ZCCHC4: variants seen among roughly 807,000 people sequenced by gnomAD.
ZCCHC4 encodes the protein rRNA N(6)-adenosine-methyltransferase ZCCHC4.
Under a neutral mutation model 67.7 loss-of-function variants are expected in ZCCHC4, and 54 were observed. That is an observed-to-expected ratio of 0.80 (90% CI 0.64 to 1.00). The LOEUF is 1.00. Among genes scored for constraint, ZCCHC4 ranks in the 50% least tolerant of loss-of-function variants. The pLI is 0.00. For synonymous variants in ZCCHC4, 198 were observed against 213.5 expected, an observed-to-expected ratio of 0.93 and a Z score of 0.63; for missense variants, 609 against 617.0, an observed-to-expected ratio of 0.99 and a Z score of 0.14.
intron 12 of ZCCHC4, chr4:25,365,691 C>A: frequency 1.0e-6 from 1 of 984,628 alleles, no homozygotes; most frequent in Non-Finnish European, 1.2e-6. Context: ...ACTTTTTTTC[C>A]TGTGATTATT....
intron 5 of ZCCHC4, among the ~76,000 whole-genome samples, chr4:25,336,896 A>G (rs1223317392): frequency 6.6e-6 from 1 of 152,232 alleles, no homozygotes; most frequent in East Asian, 1.9e-4. Context: ...TCCAGATGAG[A>G]AAACTGAGGC....
At chr4:25,342,283 A>G (rs1719793350) in intron 5 of ZCCHC4, among the ~76,000 whole-genome samples, 1 of 152,192 alleles carries the variant, frequency 6.6e-6, no homozygotes. Flanking sequence ...AAAATTCTGC[A>G]TAGTATAGAG....
chr4:25,348,863 T>G (rs892885114), intron 6 of ZCCHC4, among the ~76,000 whole-genome samples: 1 of 152,210 alleles, frequency 6.6e-6, no homozygotes. Flanking sequence ...TGTTAATGTT[T>G]ACTTTGCAAT....
chr4:25,363,454 T>G (rs1343554097), intron 10 of ZCCHC4, among the ~76,000 whole-genome samples: 1 of 152,240 alleles, frequency 6.6e-6, no homozygotes, highest in East Asian at 1.9e-4. Flanking sequence ...TTGGCAATTA[T>G]AAATCACCAA....
chr4:25,318,099 C>T (rs1319561708), intron 3 of ZCCHC4, among the ~76,000 whole-genome samples: 1 of 152,210 alleles, frequency 6.6e-6, no homozygotes, highest in East Asian at 1.9e-4. Context: ...CCTTTGAACT[C>T]ATCACCTTGG....
intron 12 of ZCCHC4, among the ~76,000 whole-genome samples, chr4:25,366,811 T>C (rs1436656621): frequency 6.6e-6 from 1 of 152,190 alleles, no homozygotes; most frequent in East Asian, 1.9e-4. Context: ...AGGCCCTTCA[T>C]TGCTTCCTAA....
chr4:25,350,616 T>C (rs1054268434), intron 7 of ZCCHC4, among the ~76,000 whole-genome samples: 1 of 152,136 alleles, frequency 6.6e-6, no homozygotes, highest in Non-Finnish European at 1.5e-5. Context: ...TTTAGAAACA[T>C]TTTCTAGCTC....
At chr4:25,313,595 A>G (rs1327952943) in intron 1 of ZCCHC4, among the ~76,000 whole-genome samples, 18 of 152,176 alleles carry the variant, frequency 1.2e-4, no homozygotes, top group Admixed American at 1.2e-3. Context: ...AACACAGAGA[A>G]GCCGGCGTGG....
intron 6 of ZCCHC4, among the ~76,000 whole-genome samples, chr4:25,348,709 G>A (rs1417289404): frequency 6.6e-6 from 1 of 152,140 alleles, no homozygotes; most frequent in South Asian, 2.1e-4. Context: ...GCAGATTTTG[G>A]TATATGCAGG....
intron 11 of ZCCHC4, 134 bp downstream of exon 11, chr4:25,364,639 AT>A: frequency 1.2e-6 from 1 of 818,990 alleles, no homozygotes; most frequent in African/African-American, 1.8e-5. Context: ...TTGCTTTTTA[AT>A]TTTATAGTTA....
At chr4:25,343,069 C>T (rs916677858) in intron 5 of ZCCHC4, among the ~76,000 whole-genome samples, 3 of 151,762 alleles carry the variant, frequency 2.0e-5, no homozygotes, top group African/African-American at 7.3e-5. Flanking sequence ...GAGAAGAAAA[C>T]CCTCAAATGA....
intron 9 of ZCCHC4, 62 bp from the exon 10 acceptor site, chr4:25,362,163 GT>G (rs1720763934): frequency 7.9e-6 from 12 of 1,510,246 alleles, no homozygotes; most frequent in Non-Finnish European, 1.0e-5. Flanking sequence ...GCTTTGTAAA[GT>G]TTTATCTACT....
intron 12 of ZCCHC4, among the ~76,000 whole-genome samples, chr4:25,367,010 ACTG>A (rs1281148791): frequency 6.6e-6 from 1 of 152,188 alleles, no homozygotes; most frequent in Non-Finnish European, 1.5e-5. Context: ...GTTAATAGTT[ACTG>A]CTTTCAAAAA....
intron 3 of ZCCHC4, among the ~76,000 whole-genome samples, chr4:25,331,470 A>G (rs771057472): frequency 1.3e-5 from 2 of 151,918 alleles, no homozygotes; most frequent in Non-Finnish European, 2.9e-5. Flanking sequence ...ACACCTGGCT[A>G]ATTTTTAAAA....
chr4:25,365,774 G>T, intron 12 of ZCCHC4: 1 of 985,370 alleles, frequency 1.0e-6, no homozygotes, highest in Non-Finnish European at 1.2e-6. Context: ...TATGACAATA[G>T]CTTATTTAGA....
intron 3 of ZCCHC4, among the ~76,000 whole-genome samples, 162 bp downstream of exon 3, chr4:25,315,562 G>C (rs558413859): frequency 6.6e-6 from 1 of 152,128 alleles, no homozygotes; most frequent in African/African-American, 2.4e-5. Context: ...GTGCAATTCA[G>C]TGACATTAAG....
chr4:25,346,205 G>T, intron 6 of ZCCHC4, among the ~76,000 whole-genome samples: 1 of 151,068 alleles, frequency 6.6e-6, no homozygotes, highest in East Asian at 1.9e-4. Flanking sequence ...CTTTTTCTGT[G>T]AACCTCAAAC....
chr4:25,358,734 G>T (rs540236964), intron 8 of ZCCHC4, among the ~76,000 whole-genome samples: 6 of 152,350 alleles, frequency 3.9e-5, no homozygotes, highest in African/African-American at 1.4e-4. Context: ...TGCACGTTAT[G>T]TAACCACACC....
At chr4:25,340,157 C>T (rs776357609) in intron 5 of ZCCHC4, among the ~76,000 whole-genome samples, 123 of 152,264 alleles carry the variant, frequency 8.1e-4, no homozygotes, top group Middle Eastern at 3.4e-3. Flanking sequence ...CATGAGCCAC[C>T]GTGCCTGGCC....
Sources: gnomAD v4.1 joint callset for allele counts (sites outside exome capture counted in the v4.1 genomes callset) on GRCh38, gnomAD v4.1.1 for gene constraint, MANE v1.5 for transcripts, NCBI Gene and HGNC (gene_info 2026-07-23, HGNC 2026-07-21) for gene names.